CTH: variants seen among roughly 807,000 people sequenced by gnomAD.
The protein encoded by CTH is cystathionine gamma-lyase, also known as cystathionase (cystathionine gamma-lyase).
A neutral mutation model predicts 50.6 loss-of-function variants in CTH; 41 were observed. The observed-to-expected ratio is 0.81, with a 90% CI of 0.63 to 1.05. The LOEUF (loss-of-function observed/expected upper bound fraction) is 1.05. CTH is among the 50% of genes least tolerant of loss of function. The pLI is 0.00. For synonymous variants in CTH, 156 were observed against 168.9 expected (o/e 0.92, Z 0.59); for missense variants, 470 against 492.6 (o/e 0.95, Z 0.43).
chr1:70,415,806 C>T, intron 1 of CTH, 150 bp from the exon 2 acceptor site: 2 of 668,732 alleles, frequency 3.0e-6, no homozygotes, highest in East Asian at 2.8e-5. Context: ...ACTATAGCCA[C>T]AGCACTGTTC....
intron 3 of CTH, among the ~76,000 whole-genome samples, chr1:70,419,926 C>T (rs1003319930): frequency 3.3e-5 from 5 of 151,160 alleles, no homozygotes; most frequent in African/African-American, 4.9e-5. Flanking sequence ...CCTATCTGAA[C>T]AAAAAGTTAA....
chr1:70,438,844 G>GTGTGTT lies in CTH; in HGVS notation c.1191+23_1191+24insTTGTGT, dbSNP rs1684656669. Reference sequence around the variant, plus strand: ...AGGCAGCAGTAAGTCTTATTATTGTGTGTGTGTGTGTGTGTGTGTGTGTGT... The same window carrying GTGTGTT: ...AGGCAGCAGTAAGTCTTATTATTGTGTGTGTTTGTGTGTGTGTGTGTGTGTGTGTGT... On this transcript the variant is annotated intron_variant, in intron 11 of 11. Transcript: ENST00000370938. 1.3e-6 allele frequency: 2 copies of GTGTGTT among 1,551,636 alleles called. No homozygotes were observed. Among genetic ancestry groups the GTGTGTT allele is most frequent in the South Asian group, 2.3e-5 (2 of 88,756 alleles).
intron 8 of CTH, among the ~76,000 whole-genome samples, chr1:70,433,393 G>A (rs112137325): frequency 6.6e-6 from 1 of 152,166 alleles, no homozygotes; most frequent in East Asian, 1.9e-4. Flanking sequence ...AGGTATTGGA[G>A]ATTTATTCAA....
In CTH at chr1:70,439,121, C is replaced by T. The variant is rs1684665714; in HGVS notation, c.1212C>T (p.His404=). ...LKAAHPPSGS[H]S Reference sequence around the variant, plus strand: ...TATAGCACCCTCCAAGTGGAAGTCACAGCTAGTATTCCAGAGCTGCTATTA... The same window carrying T: ...TATAGCACCCTCCAAGTGGAAGTCATAGCTAGTATTCCAGAGCTGCTATTA... The change falls in exon 12 of 12, where the codon CAC becomes CAT. Residue 404 remains histidine, a synonymous_variant. Coordinates refer to ENST00000370938, the MANE Select transcript of CTH (RefSeq NM_001902.6). 1 of 1,611,572 alleles carries T rather than the reference C, an allele frequency of 6.2e-7. No homozygotes were observed. Among genetic ancestry groups the T allele is most frequent in the Middle Eastern group, 1.7e-4 (1 of 6,054 alleles).
chr1:70,437,080 C>T (rs2101762014), intron 10 of CTH, among the ~76,000 whole-genome samples: 1 of 152,274 alleles, frequency 6.6e-6, no homozygotes, highest in Non-Finnish European at 1.5e-5. Flanking sequence ...TGTGTATTAG[C>T]TTAGTCTCCC....
At chr1:70,435,757 AG>A (rs1684584162) in intron 10 of CTH, among the ~76,000 whole-genome samples, 1 of 152,132 alleles carries the variant, frequency 6.6e-6, no homozygotes, top group Non-Finnish European at 1.5e-5. Context: ...GTTTTTTCAA[AG>A]CATCAGAGGA....
intron 10 of CTH, among the ~76,000 whole-genome samples, 178 bp from the exon 11 acceptor site, chr1:70,438,510 C>T (rs1684644449): frequency 6.6e-6 from 1 of 152,154 alleles, no homozygotes; most frequent in African/African-American, 2.4e-5. Flanking sequence ...CATTTAAAAT[C>T]ATAGCTAGAA....
intron 5 of CTH, among the ~76,000 whole-genome samples, 184 bp downstream of exon 5, chr1:70,424,600 T>A (rs1684305941): frequency 6.6e-6 from 1 of 152,228 alleles, no homozygotes; most frequent in Non-Finnish European, 1.5e-5. Context: ...TTTTCAAACC[T>A]ATGTTAATAT....
In CTH at chr1:70,416,944, C is replaced by T. The variant is rs542780384; in HGVS notation, c.250+907C>T. On this transcript the variant is annotated intron_variant, in intron 2 of 11. Transcript: ENST00000370938. ...TTGGGCTCAAGTGATCTGCCCACCTCGGCCTCCCAAAGTGCTGGGATTATA... is the reference window on the plus strand; with the variant it reads ...TTGGGCTCAAGTGATCTGCCCACCTTGGCCTCCCAAAGTGCTGGGATTATA... Among the ~76,000 whole-genome samples the T allele has an allele frequency of 8.6e-5, 13 of 152,000 alleles. No individual in the cohort carries two copies. The South Asian group carries it at 2.5e-3, about 29-fold the overall frequency.
chr1:70,411,793 C>G (rs779093586), intron 1 of CTH: 16 of 680,530 alleles, frequency 2.4e-5, no homozygotes, highest in Non-Finnish European at 2.7e-5. Context: ...TGGAAGGAGC[C>G]GTTTGTCCAG....
At chr1:70,434,796 A>G (rs1684559822) in intron 9 of CTH, 1 of 154,772 alleles carries the variant, frequency 6.5e-6, no homozygotes, top group Non-Finnish European at 1.3e-5. Context: ...TCTTTTGCCC[A>G]GACTGGAGTT....
At chr1:70,413,391 G>A (rs1014582193) in intron 1 of CTH, among the ~76,000 whole-genome samples, 2 of 151,684 alleles carry the variant, frequency 1.3e-5, no homozygotes, top group Non-Finnish European at 2.9e-5. Flanking sequence ...AGCCTCCTAA[G>A]TAGCTGGGAT....
At position 70,439,333 on chromosome 1, in the gene CTH, A is replaced by C. The variant is rs915727845; in HGVS notation, c.*206A>C. ...GTTATAATTACAGGTCAATTCTGTTAATATCTTTTTGTTAATTTTGCTCTA... is the reference window on the plus strand; with the variant it reads ...GTTATAATTACAGGTCAATTCTGTTCATATCTTTTTGTTAATTTTGCTCTA... On this transcript the variant is annotated 3_prime_UTR_variant, in exon 12 of 12. Coordinates refer to ENST00000370938, the MANE Select transcript of CTH (RefSeq NM_001902.6). 1.7e-6 allele frequency: 1 copy of C among 583,152 alleles called. No homozygotes were observed. Among genetic ancestry groups the C allele is most frequent in the Non-Finnish European group, 3.0e-6 (1 of 328,838 alleles). The allele number at this position is 583,152 out of a possible 1,614,324, so 36.1% of individuals were successfully genotyped here.
intron 3 of CTH, among the ~76,000 whole-genome samples, chr1:70,418,743 TTTTGCTTTTTATTTTTTGTTTG>T (rs1388822362): frequency 6.6e-6 from 1 of 152,108 alleles, no homozygotes; most frequent in Non-Finnish European, 1.5e-5. Flanking sequence ...ACACATCCCC[TTTTGCTTTTTATTTTTTGTTTG>T]GCACCAGGGA....
Position 70,439,198 on chromosome 1 carries a change from C to A in CTH, c.*71C>A. On this transcript the variant is annotated 3_prime_UTR_variant, in exon 12 of 12. Coordinates refer to ENST00000370938, the MANE Select transcript of CTH (RefSeq NM_001902.6). ...CTTCCTGAGTAATTAAATGGACCAACAATGAGCCTTTGCAAAATTTTCAAG... is the reference window on the plus strand; with the variant it reads ...CTTCCTGAGTAATTAAATGGACCAAAAATGAGCCTTTGCAAAATTTTCAAG... 1 of 1,451,646 alleles carries A rather than the reference C, an allele frequency of 6.9e-7. No homozygotes were observed. The highest frequency in any genetic ancestry group is 9.7e-7 in the Non-Finnish European group (1 of 1,033,874). 89.9% of individuals were successfully genotyped at this position (1,451,646 alleles called of 1,614,324 possible).
chr1:70,433,714 A>G, intron 8 of CTH, 114 bp from the exon 9 acceptor site: 1 of 1,499,710 alleles, frequency 6.7e-7, no homozygotes, highest in East Asian at 2.4e-5. Flanking sequence ...GCATGGCATA[A>G]TCCTCGTCTT....
chr1:70,433,149 A>T (rs1684517776), intron 8 of CTH, among the ~76,000 whole-genome samples: 1 of 152,026 alleles, frequency 6.6e-6, no homozygotes, highest in South Asian at 2.1e-4. Flanking sequence ...TTCTTTTTAG[A>T]TCCTTTTGAG....
At chr1:70,436,892 G>C (rs1180839828) in intron 10 of CTH, among the ~76,000 whole-genome samples, 2 of 152,134 alleles carry the variant, frequency 1.3e-5, no homozygotes, top group Non-Finnish European at 2.9e-5. Flanking sequence ...TTTATTTAGG[G>C]ATTTTTGTTT....
At chr1:70,417,524 A>T (rs970949570) in intron 2 of CTH, among the ~76,000 whole-genome samples, 3 of 152,056 alleles carry the variant, frequency 2.0e-5, no homozygotes, top group Non-Finnish European at 4.4e-5. Flanking sequence ...ACCTCAAATG[A>T]TCCACCTGCC....
Sources: gnomAD v4.1 joint callset for allele counts (sites outside exome capture counted in the v4.1 genomes callset) on GRCh38, gnomAD v4.1.1 for gene constraint, MANE v1.5 for transcripts, NCBI Gene and HGNC (gene_info 2026-07-23, HGNC 2026-07-21) for gene names.